Variants in MPDZ observed in about 807,000 individuals in gnomAD.
MPDZ encodes multiple PDZ domain protein.
A neutral mutation model predicts 239.1 loss-of-function variants in MPDZ; 234 were observed. That is an observed-to-expected ratio of 0.98 (90% CI 0.88 to 1.09). MPDZ has a LOEUF of 1.09. Ranked by LOEUF, MPDZ falls within the 50% of genes least tolerant of loss-of-function variation. MPDZ has a pLI of 0.00. For missense variants in MPDZ, 3,175 were observed against 2,510.0 expected, an observed-to-expected ratio of 1.26 and a Z score of -5.66; for synonymous variants, 1,048 against 881.3, an observed-to-expected ratio of 1.19 and a Z score of -3.35.
Position 13,126,583 on chromosome 9 carries a change from C to A in MPDZ, c.4565G>T (p.Arg1522Leu). 1 of 1,600,838 alleles carries A rather than the reference C, an allele frequency of 6.2e-7. No individual in the cohort carries two copies. The highest frequency in any genetic ancestry group is 8.5e-7 in the Non-Finnish European group (1 of 1,172,890). Residue 1522 changes from arginine (R) to leucine (L), a missense_variant, in exon 34 of 47, where the codon CGA becomes CTA. Arg to Leu is a moderately radical substitution (Grantham distance 102, BLOSUM62 -2). Transcript: ENST00000319217. ...TEHGVAATDG[R>L]LKVGDQILAV... Reference sequence around the variant, plus strand: ...CAGTATCTGATCTCCGACTTTGAGTCGTCCATCCTAAATGGAAACGTAGAA... The same window carrying A: ...CAGTATCTGATCTCCGACTTTGAGTAGTCCATCCTAAATGGAAACGTAGAA...
chr9:13,110,790 T>G, intron 43 of MPDZ, 50 bp from the exon 44 acceptor site: 1 of 1,394,640 alleles, frequency 7.2e-7, no homozygotes, highest in South Asian at 1.2e-5. Flanking sequence ...CCATGGAGAG[T>G]GGGTCTTTGA....
intron 24 of MPDZ, 22 bp downstream of exon 24, chr9:13,157,996 A>C (rs747780020): frequency 1.3e-6 from 2 of 1,599,244 alleles, no homozygotes; most frequent in Non-Finnish European, 1.7e-6. Context: ...TTGGGTGGAC[A>C]GAAGACAGAA....
At chr9:13,172,161 TG>T (rs1260914826) in intron 21 of MPDZ, among the ~76,000 whole-genome samples, 1 of 152,186 alleles carries the variant, frequency 6.6e-6, no homozygotes, top group African/African-American at 2.4e-5. Context: ...GTTGTTGCCT[TG>T]GCATGCAGTA....
chr9:13,218,293 T>C (rs974198720), intron 8 of MPDZ, among the ~76,000 whole-genome samples: 2 of 151,840 alleles, frequency 1.3e-5, no homozygotes, highest in African/African-American at 4.8e-5. Context: ...GAAACAAATG[T>C]GTTTTCTATT....
rs116758252 is a variant in MPDZ at position 13,230,195 on chromosome 9, T to A, written c.184-5612A>T. On this transcript the variant is annotated intron_variant, in intron 3 of 46. Coordinates refer to ENST00000319217, the MANE Select transcript of MPDZ (RefSeq NM_001378778.1). ...GTAGAGAAGCTGGATTGCTCAGACA[T>A]TGCTGGTGGAAATGTAAAATGGTAC... Among the ~76,000 whole-genome samples the A allele has an allele frequency of 4.8e-3, 732 of 152,250 alleles. 4 individuals are homozygous for A. Among genetic ancestry groups the A allele is most frequent in the African/African-American group, 0.016 (649 of 41,556 alleles).
chr9:13,187,553 A>G (rs976528957), intron 17 of MPDZ, among the ~76,000 whole-genome samples: 4 of 152,144 alleles, frequency 2.6e-5, no homozygotes, highest in Non-Finnish European at 5.9e-5. Flanking sequence ...ATATTCTTCA[A>G]TCATCCTGCC....
chr9:13,270,650 ATAT>A (rs1382879715), intron 1 of MPDZ, among the ~76,000 whole-genome samples: 4 of 152,122 alleles, frequency 2.6e-5, no homozygotes, highest in Non-Finnish European at 5.9e-5. Flanking sequence ...TAAACAAAAT[ATAT>A]TATTAAAATT....
chr9:13,183,580 G>C lies in MPDZ; in HGVS notation c.2487C>G (p.Gly829=), dbSNP rs1302358894. 1 of 1,611,552 alleles carries C rather than the reference G, an allele frequency of 6.2e-7. No homozygotes were observed. The highest frequency in any genetic ancestry group is 1.3e-5 in the African/African-American group (1 of 74,744). The part of the protein sequence containing the change: ...PLFRADLALV[G]TNDADLVDES... ...CATCTACTAAGTCAGCATCATTTGTGCCCACCTAGAAACAAAACAATAATA... is the reference window on the plus strand; with the variant it reads ...CATCTACTAAGTCAGCATCATTTGTCCCCACCTAGAAACAAAACAATAATA... The change falls in exon 19 of 47, where the codon GGC becomes GGG. Residue 829 remains glycine (G), a synonymous_variant. Transcript: ENST00000319217.
chr9:13,186,663 T>C (rs956294211), intron 17 of MPDZ, among the ~76,000 whole-genome samples: 2 of 152,002 alleles, frequency 1.3e-5, no homozygotes, highest in Non-Finnish European at 1.5e-5. Flanking sequence ...ATTCTTCTTA[T>C]AAGAATTTTT....
At chr9:13,174,032 G>A (rs1281054671) in intron 21 of MPDZ, among the ~76,000 whole-genome samples, 1 of 152,228 alleles carries the variant, frequency 6.6e-6, no homozygotes, top group East Asian at 1.9e-4. Context: ...ACCAGTTTCA[G>A]TAATATTTCA....
intron 23 of MPDZ, among the ~76,000 whole-genome samples, chr9:13,159,366 A>T (rs1360985447): frequency 6.6e-6 from 1 of 152,160 alleles, no homozygotes; most frequent in East Asian, 1.9e-4. Flanking sequence ...GAATGAGGGT[A>T]GGGCTCCTAG....
At chr9:13,247,517 A>T in intron 3 of MPDZ, 118 bp downstream of exon 3, 1 of 1,104,436 alleles carries the variant, frequency 9.1e-7, no homozygotes, top group Non-Finnish European at 1.3e-6. Context: ...TTGGAGGTTT[A>T]AATGACTTCA....
At chr9:13,238,301 G>A (rs947624938) in intron 3 of MPDZ, among the ~76,000 whole-genome samples, 1 of 152,172 alleles carries the variant, frequency 6.6e-6, no homozygotes, top group Non-Finnish European at 1.5e-5. Context: ...GATGGCAAGA[G>A]CCAAGTGGAA....
At chr9:13,222,808 A>C (rs1301326027) in intron 5 of MPDZ, among the ~76,000 whole-genome samples, 4 of 151,740 alleles carry the variant, frequency 2.6e-5, no homozygotes, top group African/African-American at 9.7e-5. Flanking sequence ...TAGATCCCCA[A>C]CTGGGGATCA....
chr9:13,110,950 T>A (rs947912986), intron 43 of MPDZ, among the ~76,000 whole-genome samples: 3 of 152,168 alleles, frequency 2.0e-5, no homozygotes, highest in Non-Finnish European at 4.4e-5. Flanking sequence ...GAGTTCCATA[T>A]CCAGGGGAGA....
intron 3 of MPDZ, among the ~76,000 whole-genome samples, chr9:13,239,279 A>G (rs558129269): frequency 3.3e-5 from 5 of 152,290 alleles, no homozygotes; most frequent in African/African-American, 1.2e-4. Flanking sequence ...AGAAGAAAAT[A>G]AAACAAAAAA....
chr9:13,112,174 G>A (rs1224557314), intron 42 of MPDZ, 28 bp from the exon 43 acceptor site: 2 of 1,581,626 alleles, frequency 1.3e-6, no homozygotes, highest in Admixed American at 1.8e-5. Flanking sequence ...TAAAATTTTG[G>A]TCAAAGTGAT....
intron 5 of MPDZ, 93 bp downstream of exon 5, chr9:13,223,478 G>C (rs1385467995): frequency 2.2e-6 from 3 of 1,377,898 alleles, no homozygotes; most frequent in East Asian, 4.9e-5. Flanking sequence ...ATTTTTTGTT[G>C]CCATTCATTA....
In MPDZ at chr9:13,136,722, T is replaced by G. The variant is rs1946872910; in HGVS notation, c.4282A>C (p.Ile1428Leu). The change falls in exon 30 of 47, where the codon ATT (isoleucine) becomes CTT (leucine). Residue 1428 changes from isoleucine (I) to leucine (L), a missense_variant. Ile to Leu is a conservative substitution (Grantham distance 5). Transcript: ENST00000319217. ...IKCAPSKVKI[I>L]FIRNKDAVNQ... is the part of the protein sequence containing the mutation. ...AAAGAAAATGATCACCTGATAAAAA[T>G]TATTTTCACTTTAGAAGGGGCACAT... is the stretch of plus-strand genomic sequence containing the variant. 6.3e-7 allele frequency: 1 copy of G among 1,583,036 alleles called. No individual in the cohort carries two copies. The highest frequency in any genetic ancestry group is 1.7e-5 in the Admixed American group (1 of 57,576).
Sources: gnomAD v4.1 joint callset for allele counts (sites outside exome capture counted in the v4.1 genomes callset) on GRCh38, gnomAD v4.1.1 for gene constraint, MANE v1.5 for transcripts, NCBI Gene and HGNC (gene_info 2026-07-23, HGNC 2026-07-21) for gene names.